Variants in KHDRBS3 observed in about 807,000 individuals in gnomAD.
The protein encoded by KHDRBS3 is KH RNA binding domain containing, signal transduction associated 3, also known as KH domain-containing, RNA-binding, signal transduction-associated protein 3.
KHDRBS3 carries 23 observed loss-of-function variants against 45.6 expected under a neutral mutation model. That is an observed-to-expected ratio of 0.50 (90% CI 0.36 to 0.72). The LOEUF is 0.72. KHDRBS3 is among the 30% of genes least tolerant of loss of function. The pLI is 0.00. For missense variants in KHDRBS3, 352 were observed against 424.8 expected, an observed-to-expected ratio of 0.83 and a Z score of 1.51; for synonymous variants, 162 against 156.5, an observed-to-expected ratio of 1.04 and a Z score of -0.26.
chr8:135,518,728 A>G lies in KHDRBS3; in HGVS notation c.89-2509A>G, dbSNP rs560035851. ...GAGACTTACTGCTCTTTACTGAAGA[A>G]AACAAAACCAGTGTAGCTCATTGAT... On this transcript the variant is annotated intron_variant, in intron 1 of 8. Transcript: ENST00000355849. 1.8e-3 allele frequency among the ~76,000 whole-genome samples: 271 copies of G among 152,322 alleles called. 2 individuals carry two copies. The highest frequency in any genetic ancestry group is 0.017 in the Middle Eastern group (5 of 294).
At chr8:135,646,701 G>A (rs1464645063) in intron 8 of KHDRBS3, among the ~76,000 whole-genome samples, 1 of 152,168 alleles carries the variant, frequency 6.6e-6, no homozygotes, top group African/African-American at 2.4e-5. Flanking sequence ...CTTGTAAACT[G>A]TTGTTAAATG....
At chr8:135,507,259 T>C (rs1174535509) in intron 1 of KHDRBS3, among the ~76,000 whole-genome samples, 1 of 152,188 alleles carries the variant, frequency 6.6e-6, no homozygotes, top group Non-Finnish European at 1.5e-5. Flanking sequence ...CACCTCCTGT[T>C]TTTAAGATGA....
At chr8:135,515,352 C>T (rs538110554) in intron 1 of KHDRBS3, among the ~76,000 whole-genome samples, 45 of 92,846 alleles carry the variant, frequency 4.8e-4, no homozygotes, top group Non-Finnish European at 7.4e-4. Flanking sequence ...GGCGACAGAG[C>T]GAGACTCCGT....
chr8:135,618,295 A>G (rs1263418399), intron 7 of KHDRBS3, among the ~76,000 whole-genome samples: 7 of 152,298 alleles, frequency 4.6e-5, no homozygotes, highest in African/African-American at 1.7e-4. Context: ...AGTTCTGGGA[A>G]GGAGGAGGTT....
At chr8:135,548,669 G>A in intron 3 of KHDRBS3, 85 bp from the exon 4 acceptor site, 1 of 1,090,090 alleles carries the variant, frequency 9.2e-7, no homozygotes, top group Admixed American at 3.4e-5. Context: ...TATTTTGGGG[G>A]TTAGTTTTTA....
At chr8:135,515,096 G>A (rs183637764) in intron 1 of KHDRBS3, among the ~76,000 whole-genome samples, 1 of 152,078 alleles carries the variant, frequency 6.6e-6, no homozygotes, top group Non-Finnish European at 1.5e-5. Context: ...GCTGGGCGCG[G>A]TGGCTCACGC....
chr8:135,542,011 C>T (rs118142882), intron 2 of KHDRBS3: 1 of 152,242 alleles, frequency 6.6e-6, no homozygotes, highest in East Asian at 1.9e-4. Context: ...GGTTTTAAAT[C>T]ATGGTAGTCT....
intron 2 of KHDRBS3, among the ~76,000 whole-genome samples, chr8:135,525,503 C>G (rs1825136748): frequency 6.6e-6 from 1 of 152,166 alleles, no homozygotes. Flanking sequence ...CAGAATCTGC[C>G]TGTTTTCGAT....
chr8:135,485,196 T>TTGTC (rs3029810), intron 1 of KHDRBS3, among the ~76,000 whole-genome samples: 121,591 of 151,814 alleles, frequency 0.8, 49,214 homozygotes, highest in East Asian at 0.96. Context: ...AAACAGCACT[T>TTGTC]TGTTTATTGC....
At chr8:135,510,865 C>T (rs940708729) in intron 1 of KHDRBS3, among the ~76,000 whole-genome samples, 2 of 152,236 alleles carry the variant, frequency 1.3e-5, no homozygotes, top group Admixed American at 1.3e-4. Context: ...TCCGTATGAA[C>T]CCAAAGCTCT....
intron 1 of KHDRBS3, among the ~76,000 whole-genome samples, chr8:135,496,405 G>C (rs1823450837): frequency 6.6e-6 from 1 of 151,900 alleles, no homozygotes; most frequent in Non-Finnish European, 1.5e-5. Context: ...GCTAATTTTT[G>C]TATTTTTAGT....
chr8:135,517,320 G>A (rs562668840), intron 1 of KHDRBS3, among the ~76,000 whole-genome samples: 39 of 152,194 alleles, frequency 2.6e-4, no homozygotes, highest in Non-Finnish European at 4.6e-4. Context: ...AAATCTGATT[G>A]GGTTTTCTCT....
At chr8:135,650,808 G>A (rs1398978135), downstream of KHDRBS3, among the ~76,000 whole-genome samples, 6 of 151,986 alleles carry the variant, frequency 3.9e-5, no homozygotes, top group South Asian at 6.2e-4. Flanking sequence ...TCTCTACCCC[G>A]CCCCTGCACC....
intron 7 of KHDRBS3, among the ~76,000 whole-genome samples, chr8:135,630,995 TC>T (rs1830575792): frequency 6.6e-6 from 1 of 152,286 alleles, no homozygotes; most frequent in South Asian, 2.1e-4. Flanking sequence ...ACGCCTGTAA[TC>T]CCAGCACTTT....
At chr8:135,523,380 C>A (rs1825015010) in intron 2 of KHDRBS3, among the ~76,000 whole-genome samples, 1 of 151,948 alleles carries the variant, frequency 6.6e-6, no homozygotes, top group South Asian at 2.1e-4. Flanking sequence ...GTTTTTGACA[C>A]TATCGTAAAT....
chr8:135,652,193 GTTTCTA>G (rs1221415741), downstream of KHDRBS3, among the ~76,000 whole-genome samples: 1 of 152,082 alleles, frequency 6.6e-6, no homozygotes, highest in Non-Finnish European at 1.5e-5. Flanking sequence ...GCCTGATTCT[GTTTCTA>G]TTTCTGATTG....
rs529857756 is a variant in KHDRBS3 at position 135,568,058 on chromosome 8, G to A, written c.611+10471G>A. Among the ~76,000 whole-genome samples, 139 of 152,298 alleles carry A rather than the reference G, an allele frequency of 9.1e-4. 2 individuals are homozygous for A. The Middle Eastern group carries it at 0.014, about 15-fold the overall frequency. ...CCTGAGGAGTCAAAGCATGCCCTGT[G>A]TAATGCGGTTACTGCCTTACTTGCC... On this transcript the variant is annotated intron_variant, in intron 5 of 8. Transcript: ENST00000355849.
intron 6 of KHDRBS3, among the ~76,000 whole-genome samples, chr8:135,589,183 C>T (rs1828624843): frequency 6.6e-6 from 1 of 152,134 alleles, no homozygotes; most frequent in African/African-American, 2.4e-5. Flanking sequence ...ACAGAGGTTG[C>T]CATAGCCTCC....
intron 5 of KHDRBS3, among the ~76,000 whole-genome samples, chr8:135,578,667 T>C (rs961975495): frequency 2.0e-5 from 3 of 152,206 alleles, no homozygotes; most frequent in African/African-American, 7.2e-5. Flanking sequence ...TCTAACATTG[T>C]TTTTCTTGTC....
Sources: allele counts gnomAD v4.1 joint callset (sites outside exome capture counted in the v4.1 genomes callset), GRCh38; gene constraint gnomAD v4.1.1; transcripts MANE v1.5; gene names NCBI Gene and HGNC (gene_info 2026-07-23, HGNC 2026-07-21).